OTOF: variants seen among roughly 807,000 people sequenced by gnomAD.
OTOF encodes fer-1-like family member 2.
Under a neutral mutation model 236.8 loss-of-function variants are expected in OTOF, and 218 were observed. That is an observed-to-expected ratio of 0.92 (90% CI 0.82 to 1.03). The LOEUF is 1.03. OTOF is among the 50% of genes least tolerant of loss of function. The pLI, the probability that OTOF is intolerant of heterozygous loss-of-function variation, is 0.00. For missense variants in OTOF, 2,590 were observed against 2,694.4 expected, an observed-to-expected ratio of 0.96 and a Z score of 0.86; for synonymous variants, 1,041 against 1,072.5, an observed-to-expected ratio of 0.97 and a Z score of 0.57.
chr2:26,473,315 G>T lies in OTOF; in HGVS notation c.3571-21C>A, dbSNP rs1665089318. 2.5e-6 allele frequency: 4 copies of T among 1,613,218 alleles called. No individual in the cohort carries two copies. The Admixed American group carries it at 6.7e-5, about 27-fold the overall frequency. ...AGGTCCTGGGGTGTTGGCGACAGGA[G>T]CCTGAGCCTCCAAGAAGGGGCAGAG... is the stretch of plus-strand genomic sequence containing the variant. On this transcript the variant is annotated intron_variant, in intron 28 of 46. Transcript: ENST00000272371. This position sits in a 1 kb window ranked among gnomAD's most constrained non-coding sequence, Gnocchi z 7.2.
chr2:26,483,481 A>T lies in OTOF; in HGVS notation c.1373T>A (p.Val458Asp), dbSNP rs1280199903. 1.2e-6 allele frequency: 2 copies of T among 1,613,758 alleles called. No individual in the cohort carries two copies. Among genetic ancestry groups the T allele is most frequent in the African/African-American group, 2.7e-5 (2 of 74,916 alleles). ...NKDLVDPYVQ[V>D]FFAGQKGKTS... is the part of the protein sequence containing the mutation. ...CAGTACCTTCTGGCCAGCAAAGAAG[A>T]CTTGCACGTAGGGGTCCACGAGGTC... The change falls in exon 13 of 47, where the codon GTC (valine) becomes GAC (aspartate). Residue 458 changes from valine (V) to aspartate (D), a missense_variant. Physicochemically the swap from Val to Asp is radical, Grantham distance 152. Around this residue, in one of 2 missense-constraint regions of OTOF, gnomAD observed 1,379 missense variants for 1,341.6 expected, o/e 1.03. Transcript: ENST00000272371.
Position 26,547,535 on chromosome 2 carries a change from C to G in OTOF, c.80-9761G>C, listed in dbSNP as rs184603026. Among the ~76,000 whole-genome samples the G allele has an allele frequency of 1.2e-3, 182 of 152,252 alleles. 2 individuals carry two copies. The highest frequency in any genetic ancestry group is 6.5e-4 in the Non-Finnish European group (44 of 68,016). Reference sequence around the variant, plus strand: ...TTGTGTAAGATTGTTATTACGTTTTCCTTTCAATGTTTTCTACAGGCCGGG... The same window carrying G: ...TTGTGTAAGATTGTTATTACGTTTTGCTTTCAATGTTTTCTACAGGCCGGG... On this transcript the variant is annotated intron_variant, in intron 1 of 46. Transcript: ENST00000272371.
At chr2:26,540,677 ATCC>A (rs1396547228) in intron 1 of OTOF, among the ~76,000 whole-genome samples, 3 of 151,792 alleles carry the variant, frequency 2.0e-5, no homozygotes, top group Non-Finnish European at 4.4e-5. Context: ...TTGATGTCAG[ATCC>A]ACTGAAACAG....
chr2:26,502,738 T>A (rs1362830149), intron 6 of OTOF, among the ~76,000 whole-genome samples: 4 of 152,212 alleles, frequency 2.6e-5, no homozygotes, highest in Non-Finnish European at 5.9e-5. Context: ...CTTTTGCACC[T>A]CTCAATAAAT....
At chr2:26,459,304 G>A (rs1240471135) in intron 46 of OTOF, among the ~76,000 whole-genome samples, 4 of 152,152 alleles carry the variant, frequency 2.6e-5, no homozygotes, top group African/African-American at 9.7e-5. Flanking sequence ...TGTAATCCCA[G>A]CACTTTGGGA....
intron 6 of OTOF, 115 bp from the exon 7 acceptor site, chr2:26,502,541 G>T: frequency 9.3e-7 from 1 of 1,078,438 alleles, no homozygotes; most frequent in Non-Finnish European, 1.4e-6. Flanking sequence ...TTACTTAGTT[G>T]CTACCGCTTA....
rs1280800526 is a variant in OTOF at position 26,480,014 on chromosome 2, C to T, written c.1912+189G>A. Among the ~76,000 whole-genome samples the T allele has an allele frequency of 2.6e-5, 4 of 152,372 alleles. No homozygotes were observed. In the East Asian group the frequency reaches 7.7e-4, roughly 29 times the overall value. On this transcript the variant is annotated intron_variant, in intron 16 of 46. Coordinates refer to ENST00000272371, the MANE Select transcript of OTOF (RefSeq NM_194248.3). ...GGCCCCTTTATGGGGCGTGGTCCAC[C>T]CCATGCACACACAAAGGTGTTTTGT...
intron 11 of OTOF, among the ~76,000 whole-genome samples, 169 bp from the exon 12 acceptor site, chr2:26,484,802 G>C (rs903334578): frequency 5.9e-5 from 9 of 152,210 alleles, no homozygotes; most frequent in Non-Finnish European, 8.8e-5. Context: ...GATAGAGTCT[G>C]AGGTCCTCTG....
rs962046807 is a variant in OTOF, at chr2:26,477,362, C to A, written c.2406+54G>T. ...GGCCATGACAAAGGGGGTTGTGACA[C>A]CTTCTCACAACCAGGCCCTCCCTCC... On this transcript the variant is annotated intron_variant, in intron 20 of 46. Transcript: ENST00000272371. This position sits in a 1 kb window ranked among gnomAD's most constrained non-coding sequence, Gnocchi z 4.7. The A allele has an allele frequency of 5.1e-6, 8 of 1,567,632 alleles. No individual in the cohort carries two copies. Among genetic ancestry groups the A allele is most frequent in the African/African-American group, 4.1e-5 (3 of 74,026 alleles).
At chr2:26,524,573 G>T (rs111468371) in intron 3 of OTOF, among the ~76,000 whole-genome samples, 180 of 152,294 alleles carry the variant, frequency 1.2e-3, no homozygotes, top group African/African-American at 4.0e-3. Context: ...CACTGCATGG[G>T]AGTCAATTTC....
chr2:26,485,990 G>A (rs1032116855), intron 11 of OTOF, among the ~76,000 whole-genome samples: 8 of 152,210 alleles, frequency 5.3e-5, no homozygotes, highest in Admixed American at 4.6e-4. Context: ...GATGTGTGTC[G>A]GATGAGGAGA....
chr2:26,526,164 A>C (rs999047474), intron 3 of OTOF, among the ~76,000 whole-genome samples: 7 of 150,348 alleles, frequency 4.7e-5, no homozygotes, highest in Non-Finnish European at 1.0e-4. Flanking sequence ...TGGAAGGATG[A>C]ATGGAAAGGA....
rs539206161 is a variant in OTOF, at chr2:26,506,778, T to A, written c.510-2933A>T. ...ACTTTGGGAGGCCGAGGCAGGTGGA[T>A]CACTTGAGGTCAGGAGTTCAAGACC... On this transcript the variant is annotated intron_variant, in intron 5 of 46. Transcript: ENST00000272371. Among the ~76,000 whole-genome samples, 12 of 152,328 alleles carry A rather than the reference T, an allele frequency of 7.9e-5. No homozygotes were observed. The East Asian group carries it at 2.1e-3, about 27-fold the overall frequency.
At chr2:26,543,140 C>T (rs965172949) in intron 1 of OTOF, among the ~76,000 whole-genome samples, 13 of 152,304 alleles carry the variant, frequency 8.5e-5, no homozygotes, top group African/African-American at 3.1e-4. Flanking sequence ...CAGCGACTCT[C>T]TGAGTGATGG....
chr2:26,534,251 C>T (rs1667014358), intron 2 of OTOF, among the ~76,000 whole-genome samples: 1 of 152,202 alleles, frequency 6.6e-6, no homozygotes, highest in Admixed American at 6.5e-5. Flanking sequence ...ATCATTGGCA[C>T]AAGTACTATT....
At chr2:26,525,370 C>A (rs1477211897) in intron 3 of OTOF, among the ~76,000 whole-genome samples, 1 of 152,200 alleles carries the variant, frequency 6.6e-6, no homozygotes, top group Non-Finnish European at 1.5e-5. Context: ...ACTCTTTGCT[C>A]ACCCTCTCCC....
chr2:26,511,532 G>A (rs561041561), intron 5 of OTOF, among the ~76,000 whole-genome samples: 72 of 152,234 alleles, frequency 4.7e-4, no homozygotes, highest in Non-Finnish European at 9.4e-4. Flanking sequence ...GCCTTGCCCA[G>A]GTAGACTTGA....
intron 8 of OTOF, among the ~76,000 whole-genome samples, chr2:26,500,816 G>A (rs1233201131): frequency 2.0e-5 from 3 of 152,294 alleles, no homozygotes; most frequent in South Asian, 2.1e-4. Flanking sequence ...GGGGTTGTCC[G>A]TAAAGAAGGG....
Position 26,537,696 on chromosome 2 carries a change from G to A in OTOF, c.138+20C>T. On this transcript the variant is annotated intron_variant, in intron 2 of 46. Transcript: ENST00000272371. ...CTCTGGGCTCAGGGCTGAGGGAGGG[G>A]GGAGTCTTGGGCCTCCTACCTCATC... The A allele has an allele frequency of 6.5e-7, 1 of 1,542,742 alleles. No individual in the cohort carries two copies. The highest frequency in any genetic ancestry group is 8.8e-7 in the Non-Finnish European group (1 of 1,138,660).
Sources: gnomAD v4.1 joint callset for allele counts (sites outside exome capture counted in the v4.1 genomes callset) on GRCh38, gnomAD v4.1.1 for gene constraint, gnomAD v4.1.1 regional missense constraint, Gnocchi (gnomAD v3.1) non-coding constraint, MANE v1.5 for transcripts, NCBI Gene and HGNC (gene_info 2026-07-23, HGNC 2026-07-21) for gene names.